RPS27A: variants seen among roughly 807,000 people sequenced by gnomAD.
RPS27A encodes the protein ubiquitin-ribosomal protein eS31 fusion protein.
In RPS27A, 1 loss-of-function variant was observed where a neutral mutation model predicts 18.9. The observed-to-expected ratio is 0.05, with a 90% confidence interval of 0.02 to 0.25. The LOEUF (loss-of-function observed/expected upper bound fraction) is 0.25. Ranked by LOEUF, RPS27A falls within the 10% of genes least tolerant of loss-of-function variation. The pLI is 1.00. For synonymous variants in RPS27A, 77 were observed against 63.7 expected, an observed-to-expected ratio of 1.21 and a Z score of -0.99; for missense variants, 123 against 187.4, an observed-to-expected ratio of 0.66 and a Z score of 2.01.
upstream of RPS27A, chr2:55,232,455 G>A: frequency 3.0e-6 from 1 of 336,812 alleles, no homozygotes; most frequent in East Asian, 7.0e-5. Context: ...TACGGGAAAA[G>A]CCTTTTTAAA....
intron 4 of RPS27A, 62 bp from the exon 5 acceptor site, chr2:55,234,769 A>C: frequency 6.3e-7 from 1 of 1,595,060 alleles, no homozygotes; most frequent in Non-Finnish European, 8.6e-7. Flanking sequence ...GAAAATGCAT[A>C]ATGTTGGGTG....
At chr2:55,233,315 G>C in intron 2 of RPS27A, 48 bp from the exon 3 acceptor site, 1 of 1,449,374 alleles carries the variant, frequency 6.9e-7, no homozygotes, top group South Asian at 1.1e-5. Context: ...GAGTTCTGCT[G>C]TAGTTCCTTA....
Position 55,233,313 on chromosome 2 carries a change from C to T in RPS27A, c.49-50C>T, listed in dbSNP as rs1166299591. 7.0e-6 allele frequency: 10 copies of T among 1,428,026 alleles called. No homozygotes were observed. In the South Asian group the frequency reaches 9.2e-5, roughly 13 times the overall value. 88.5% of individuals were successfully genotyped at this position (1,428,026 alleles called of 1,614,324 possible). A position where few individuals can be genotyped will look rare whatever the true frequency, so the allele number is the denominator to read the frequency against. The stretch of plus-strand genomic sequence containing the variant: ...TAATTGTCAAACTAAATGAGTTCTG[C>T]TGTAGTTCCTTAATGTGTAACCAAC... On this transcript the variant is annotated intron_variant, in intron 2 of 5. Coordinates refer to ENST00000272317, the MANE Select transcript of RPS27A (RefSeq NM_002954.6).
At chr2:55,233,513 G>T (rs756508914) in intron 3 of RPS27A, 96 bp downstream of exon 3, 26 of 859,058 alleles carry the variant, frequency 3.0e-5, no homozygotes, top group Non-Finnish European at 4.5e-5. Flanking sequence ...TGGGGGAAGG[G>T]GTCAGATTGA....
rs368266147 is a variant in RPS27A, at chr2:55,233,373, C to T, written c.59C>T (p.Ser20Leu). 58 of 1,612,630 alleles carry T rather than the reference C, an allele frequency of 3.6e-5. No homozygotes were observed. The highest frequency in any genetic ancestry group is 1.6e-4 in the Middle Eastern group (1 of 6,074). Reference sequence around the variant, plus strand: ...CTTTAACACTCATAGGTTGAACCCTCGGATACGATAGAAAATGTAAAGGCC... The same window carrying T: ...CTTTAACACTCATAGGTTGAACCCTTGGATACGATAGAAAATGTAAAGGCC... ...GKTITLEVEP[S>L]DTIENVKAKI... is the part of the protein sequence containing the mutation. Residue 20 changes from serine to leucine, a missense_variant, in exon 3 of 6, where the codon TCG becomes TTG. Physicochemically the swap from Ser to Leu is moderately radical, Grantham distance 145. Transcript: ENST00000272317.
chr2:55,235,351 TA>T, intron 5 of RPS27A, 76 bp from the exon 6 acceptor site: 1 of 1,532,142 alleles, frequency 6.5e-7, no homozygotes, highest in East Asian at 2.2e-5. Context: ...GTTAAAAGCT[TA>T]AATATTTTGA....
intron 2 of RPS27A, 99 bp from the exon 3 acceptor site, chr2:55,233,264 C>T (rs1255247209): frequency 2.0e-6 from 2 of 1,022,452 alleles, no homozygotes; most frequent in Admixed American, 1.8e-5. Flanking sequence ...AGGTCTCAGC[C>T]CTGTCGCTGG....
chr2:55,232,581 G>C (rs982663284), upstream of RPS27A: 94 of 587,610 alleles, frequency 1.6e-4, no homozygotes, highest in Middle Eastern at 4.6e-4. Context: ...CTGGCACCGG[G>C]TTGGATTGTC....
At chr2:55,232,649 G>A (rs1658688602), upstream of RPS27A, 1 of 695,774 alleles carries the variant, frequency 1.4e-6, no homozygotes. Flanking sequence ...CCTTCGGCGG[G>A]AGCTCCGGGA....
At chr2:55,235,239 C>A in intron 5 of RPS27A, 189 bp from the exon 6 acceptor site, 2 of 758,480 alleles carry the variant, frequency 2.6e-6, no homozygotes, top group East Asian at 2.7e-5. Flanking sequence ...CTTTAGTGTT[C>A]AAAAGTCCCA....
rs1266120045 is a variant in RPS27A, at chr2:55,232,815, C to T, written c.-10C>T. 1.2e-6 allele frequency: 2 copies of T among 1,611,670 alleles called. No homozygotes were observed. Among genetic ancestry groups the T allele is most frequent in the East Asian group, 2.2e-5 (1 of 44,840 alleles). On this transcript the variant is annotated 5_prime_UTR_variant, in exon 2 of 6. Coordinates refer to ENST00000272317, the MANE Select transcript of RPS27A (RefSeq NM_002954.6). ...CCTTTTCCTCAACCTCAGGTGGAGCCGCCACCAAAATGCAGATTTTCGTGA... is the reference window on the plus strand; with the variant it reads ...CCTTTTCCTCAACCTCAGGTGGAGCTGCCACCAAAATGCAGATTTTCGTGA...
At chr2:55,233,543 A>G in intron 3 of RPS27A, 126 bp downstream of exon 3, 1 of 724,102 alleles carries the variant, frequency 1.4e-6, no homozygotes, top group South Asian at 1.5e-5. Context: ...ATACTTGTGG[A>G]ATAACACAAT....
chr2:55,231,975 G>A (rs905578601), upstream of RPS27A: 7 of 152,224 alleles, frequency 4.6e-5, no homozygotes, highest in Non-Finnish European at 5.9e-5. Flanking sequence ...GGAGAGAAAG[G>A]GCTGAACCCC....
At chr2:55,233,119 G>A (rs1027246388) in intron 2 of RPS27A, 1 of 637,858 alleles carries the variant, frequency 1.6e-6, no homozygotes, top group Non-Finnish European at 2.8e-6. Context: ...CGGTGGGGAA[G>A]GAGACGCTCT....
intron 2 of RPS27A, 161 bp from the exon 3 acceptor site, chr2:55,233,202 C>T (rs1300187510): frequency 4.1e-6 from 3 of 725,480 alleles, no homozygotes; most frequent in East Asian, 2.7e-5. Flanking sequence ...AGGTGCTTTC[C>T]GGTAGCCGAC....
Position 55,235,638 on chromosome 2 carries a change from A to G in RPS27A, c.*61A>G, listed in dbSNP as rs1395781253. On this transcript the variant is annotated 3_prime_UTR_variant, in exon 6 of 6. Coordinates refer to ENST00000272317, the MANE Select transcript of RPS27A (RefSeq NM_002954.6). ...ATTGTTGGGTTTTATTGCAGTAAAA[A>G]GAATGGTTTTTAAGCACCAAATTGA... 1.3e-6 allele frequency: 2 copies of G among 1,581,176 alleles called. No homozygotes were observed. Among genetic ancestry groups the G allele is most frequent in the African/African-American group, 2.7e-5 (2 of 74,554 alleles).
chr2:55,232,982 C>T, intron 2 of RPS27A, 110 bp downstream of exon 2: 4 of 948,690 alleles, frequency 4.2e-6, no homozygotes, highest in East Asian at 5.1e-5. Flanking sequence ...AATTTGGGTT[C>T]TAAAACTTAA....
upstream of RPS27A, chr2:55,232,354 A>G (rs913153039): frequency 3.7e-6 from 1 of 268,150 alleles, no homozygotes; most frequent in Non-Finnish European, 7.4e-6. Context: ...GTGGAGAACT[A>G]CAGTTCCCAG....
At chr2:55,234,544 A>G (rs1042399238) in intron 4 of RPS27A, 6 of 548,462 alleles carry the variant, frequency 1.1e-5, no homozygotes, top group African/African-American at 5.7e-5. Flanking sequence ...TGGCATTCGA[A>G]TAGCAGTAGA....
Sources: gnomAD v4.1 joint callset for allele counts on GRCh38, gnomAD v4.1.1 for gene constraint, MANE v1.5 for transcripts, NCBI Gene and HGNC (gene_info 2026-07-23, HGNC 2026-07-21) for gene names.